MFSD11: variants seen among roughly 807,000 people sequenced by gnomAD.
MFSD11 encodes the protein UNC93-like protein MFSD11.
A neutral mutation model predicts 53.5 loss-of-function variants in MFSD11; 36 were observed. That is an observed-to-expected ratio of 0.67 (90% CI 0.52 to 0.89). The LOEUF (loss-of-function observed/expected upper bound fraction) is 0.89. Ranked by LOEUF, MFSD11 falls within the 40% of genes least tolerant of loss-of-function variation. The probability of loss-of-function intolerance (pLI) is 0.00; values close to 1 mark genes in which losing one functional copy is unlikely to be tolerated. For synonymous variants in MFSD11, 186 were observed against 184.9 expected (o/e 1.01, Z -0.05); for missense variants, 530 against 543.9 (o/e 0.97, Z 0.25).
chr17:76,781,382 C>T (rs1045684749), downstream of MFSD11: 2 of 152,216 alleles, frequency 1.3e-5, no homozygotes, highest in Admixed American at 1.3e-4. Flanking sequence ...ACAAAAGCCG[C>T]AGTCTCTCAT....
At chr17:76,746,219 A>T (rs1422656798) in intron 7 of MFSD11, among the ~76,000 whole-genome samples, 2 of 152,226 alleles carry the variant, frequency 1.3e-5, no homozygotes, top group African/African-American at 4.8e-5. Flanking sequence ...CTGAAGCCTA[A>T]TCCAGAGCAA....
the MFSD11 span, among the ~76,000 whole-genome samples, chr17:76,787,335 C>T: frequency 4.0e-5 from 6 of 149,340 alleles, 1 homozygote; most frequent in Non-Finnish European, 8.9e-5. Context: ...CGGGGTTTCG[C>T]CATGTTGGCC....
At chr17:76,767,295 GA>G in intron 8 of MFSD11, 90 bp from the exon 9 acceptor site, 1 of 725,330 alleles carries the variant, frequency 1.4e-6, no homozygotes, top group Admixed American at 2.2e-5. Context: ...TGGCATTATT[GA>G]CAAGGGGTGT....
Position 76,744,470 on chromosome 17 carries a change from A to T in MFSD11, c.641+4A>T. The T allele has an allele frequency of 6.2e-7, 1 of 1,604,338 alleles. No homozygotes were observed. Among genetic ancestry groups the T allele is most frequent in the Non-Finnish European group, 8.5e-7 (1 of 1,177,290 alleles). On this transcript the variant is annotated splice_donor_region_variant and intron_variant, in intron 7 of 12. Transcript: ENST00000685175. Reference sequence around the variant, plus strand: ...ACCAGGACATGGAAGTCAACGAGTAAGATGTTGGAAACATTCTATTTTATT... The same window carrying T: ...ACCAGGACATGGAAGTCAACGAGTATGATGTTGGAAACATTCTATTTTATT...
At chr17:76,765,217 G>A (rs1170969302) in intron 8 of MFSD11, among the ~76,000 whole-genome samples, 2 of 151,810 alleles carry the variant, frequency 1.3e-5, no homozygotes, top group African/African-American at 2.4e-5. Context: ...TTATTCTTTT[G>A]CATGTCAATA....
chr17:76,742,241 CAG>C lies in MFSD11; in HGVS notation c.406_407del (p.Ser136TrpfsTer10), dbSNP rs1356032445. On this transcript the variant is annotated frameshift_variant, in exon 5 of 13. Coordinates refer to ENST00000685175, the MANE Select transcript of MFSD11 (RefSeq NM_001242532.5). LOFTEE classifies it high-confidence loss of function. Reference sequence around the variant, plus strand: ...CGGATGAGCACAGCATTGGGAGAAACAGTGGGATTTTCTGGGCACTTCTGCAG... The same window carrying C: ...CGGATGAGCACAGCATTGGGAGAAACTGGGATTTTCTGGGCACTTCTGCAG... The part of the protein sequence containing the change: ...NSDEHSIGRN[S>X]GIFWALLQSS... 13 of 1,614,142 alleles carry C rather than the reference CAG, an allele frequency of 8.1e-6. No individual in the cohort carries two copies. The highest frequency in any genetic ancestry group is 1.1e-5 in the Non-Finnish European group (13 of 1,180,010).
At chr17:76,788,971 A>G in the MFSD11 span, among the ~76,000 whole-genome samples, 14 of 149,468 alleles carry the variant, frequency 9.4e-5, 2 homozygotes, top group Admixed American at 6.0e-4. Flanking sequence ...GTGAAACCCC[A>G]TCTCTACTAA....
At chr17:76,779,937 C>T (rs547522775), downstream of MFSD11, among the ~76,000 whole-genome samples, 2 of 152,256 alleles carry the variant, frequency 1.3e-5, no homozygotes, top group South Asian at 2.1e-4. Context: ...ATCTGAGCTG[C>T]GTCATCAGGC....
chr17:76,780,530 T>TTTC (rs1449082143), downstream of MFSD11, among the ~76,000 whole-genome samples: 2 of 151,586 alleles, frequency 1.3e-5, no homozygotes, highest in Non-Finnish European at 2.9e-5. Flanking sequence ...TTTTTTTTTT[T>TTTC]TTCAAGACAG....
At chr17:76,753,301 G>A (rs1415095690) in intron 7 of MFSD11, among the ~76,000 whole-genome samples, 1 of 152,164 alleles carries the variant, frequency 6.6e-6, no homozygotes, top group Non-Finnish European at 1.5e-5. Context: ...TCTCTGACGG[G>A]TTTTAATGCC....
At chr17:76,777,654 A>C (rs1335071538) in intron 12 of MFSD11, among the ~76,000 whole-genome samples, 2 of 151,530 alleles carry the variant, frequency 1.3e-5, no homozygotes, top group East Asian at 3.9e-4. Context: ...AGGATTTATG[A>C]CTAGAATTAG....
chr17:76,774,021 G>A (rs186664127), intron 10 of MFSD11, among the ~76,000 whole-genome samples: 19 of 151,970 alleles, frequency 1.3e-4, no homozygotes, highest in Middle Eastern at 6.8e-3. Context: ...TGCCCCCTGG[G>A]TTCAAGTGAT....
chr17:76,796,296 T>G, the MFSD11 span, among the ~76,000 whole-genome samples: 1 of 152,180 alleles, frequency 6.6e-6, no homozygotes, highest in Non-Finnish European at 1.5e-5. Flanking sequence ...TTCCTGACTT[T>G]AGTGAAGTTC....
At chr17:76,768,173 G>C (rs1291364011) in intron 9 of MFSD11, among the ~76,000 whole-genome samples, 1 of 151,968 alleles carries the variant, frequency 6.6e-6, no homozygotes, top group Admixed American at 6.6e-5. Flanking sequence ...GTATGGTGGT[G>C]CATGCCTGTA....
intron 7 of MFSD11, among the ~76,000 whole-genome samples, chr17:76,752,258 A>G (rs1015092183): frequency 6.6e-6 from 1 of 152,146 alleles, no homozygotes; most frequent in Non-Finnish European, 1.5e-5. Context: ...AGGATGTACA[A>G]TGATCTAATG....
intron 10 of MFSD11, among the ~76,000 whole-genome samples, chr17:76,774,689 G>A (rs993690285): frequency 6.6e-6 from 1 of 152,162 alleles, no homozygotes; most frequent in Non-Finnish European, 1.5e-5. Context: ...GACAAGTTGT[G>A]TCCTTATTTT....
the MFSD11 span, among the ~76,000 whole-genome samples, chr17:76,792,398 C>T: frequency 6.6e-6 from 1 of 151,340 alleles, no homozygotes; most frequent in Non-Finnish European, 1.5e-5. Context: ...GGATTACAGG[C>T]ATGAGCCACT....
chr17:76,755,988 T>C (rs2079583861), intron 8 of MFSD11, among the ~76,000 whole-genome samples: 1 of 150,340 alleles, frequency 6.7e-6, no homozygotes. Context: ...CACACCTGGC[T>C]AATTTTTGTA....
chr17:76,746,751 C>T (rs1250258557), intron 7 of MFSD11, among the ~76,000 whole-genome samples: 3 of 152,106 alleles, frequency 2.0e-5, no homozygotes, highest in Non-Finnish European at 4.4e-5. Context: ...ACTGTTGAGA[C>T]CTACTGCTCA....
Sources: allele counts gnomAD v4.1 joint callset (sites outside exome capture counted in the v4.1 genomes callset), GRCh38; gene constraint gnomAD v4.1.1; transcripts MANE v1.5; gene names NCBI Gene and HGNC (gene_info 2026-07-23, HGNC 2026-07-21).